The following COL26A1 variants were observed in gnomAD, a reference collection of about 807,000 sequenced individuals.
COL26A1 encodes collagen alpha-1(XXVI) chain.
COL26A1 carries 41 observed loss-of-function variants against 59.3 expected under a neutral mutation model. The ratio of observed to expected loss-of-function variants is 0.69; its 90% CI spans 0.54 to 0.90. The LOEUF (loss-of-function observed/expected upper bound fraction) is 0.90, where lower values mean the gene tolerates loss of function less well. COL26A1 is among the 40% of genes least tolerant of loss of function. COL26A1 has a pLI of 0.00. For synonymous variants in COL26A1, 266 were observed against 256.0 expected (o/e 1.04, Z -0.37); for missense variants, 612 against 602.3 (o/e 1.02, Z -0.17).
intron 5 of COL26A1, among the ~76,000 whole-genome samples, chr7:101,541,886 G>T (rs183162163): frequency 6.6e-6 from 1 of 152,168 alleles, no homozygotes; most frequent in Non-Finnish European, 1.5e-5. Context: ...TGAAGGCTGA[G>T]GTCTACCATG....
chr7:101,372,888 A>G (rs753188926), intron 1 of COL26A1, among the ~76,000 whole-genome samples: 48 of 152,222 alleles, frequency 3.2e-4, no homozygotes, highest in Non-Finnish European at 5.4e-4. Context: ...TCAGCTACTC[A>G]GGAGACTGAG....
At chr7:101,421,424 C>T (rs899103081) in intron 2 of COL26A1, among the ~76,000 whole-genome samples, 3 of 152,114 alleles carry the variant, frequency 2.0e-5, no homozygotes, top group African/African-American at 7.2e-5. Flanking sequence ...CTTGTAATCC[C>T]AGCACTTTGG....
chr7:101,504,140 A>C (rs1794759029), intron 3 of COL26A1, among the ~76,000 whole-genome samples: 1 of 151,196 alleles, frequency 6.6e-6, no homozygotes, highest in South Asian at 2.1e-4. Flanking sequence ...TTACTCCATC[A>C]CCCAGGCTGG....
chr7:101,531,721 C>T (rs1795372659), intron 3 of COL26A1, among the ~76,000 whole-genome samples: 1 of 152,138 alleles, frequency 6.6e-6, no homozygotes, highest in African/African-American at 2.4e-5. Context: ...CTCCCCCCAA[C>T]TCCCCGTGGT....
intron 3 of COL26A1, among the ~76,000 whole-genome samples, chr7:101,484,103 A>G: frequency 6.9e-6 from 1 of 144,352 alleles, no homozygotes; most frequent in Non-Finnish European, 1.5e-5. Flanking sequence ...TCCCACCTCA[A>G]CCTCCCGAGG....
chr7:101,478,325 G>T (rs1037190884), intron 3 of COL26A1, among the ~76,000 whole-genome samples: 1 of 152,188 alleles, frequency 6.6e-6, no homozygotes, highest in African/African-American at 2.4e-5. Context: ...GTGACTTGAG[G>T]TGCGGTTTCG....
At chr7:101,395,959 G>C (rs1301525113) in intron 1 of COL26A1, among the ~76,000 whole-genome samples, 4 of 152,092 alleles carry the variant, frequency 2.6e-5, no homozygotes, top group African/African-American at 9.7e-5. Flanking sequence ...TCCGGCCCTT[G>C]CTTGAAAACT....
chr7:101,525,373 G>A (rs1795221892), intron 3 of COL26A1, among the ~76,000 whole-genome samples: 1 of 151,334 alleles, frequency 6.6e-6, no homozygotes, highest in South Asian at 2.1e-4. Context: ...AATAGAAACG[G>A]GGTTTCACTG....
Position 101,552,769 on chromosome 7 carries a change from T to A in COL26A1, c.1030-557T>A, listed in dbSNP as rs372256738. Among the ~76,000 whole-genome samples the A allele has an allele frequency of 1.4e-3, 219 of 152,206 alleles. 1 individual carries two copies. Among genetic ancestry groups the A allele is most frequent in the African/African-American group, 5.0e-3 (206 of 41,514 alleles). On this transcript the variant is annotated intron_variant, in intron 10 of 12. Coordinates refer to ENST00000313669, the MANE Select transcript of COL26A1 (RefSeq NM_001278563.3). ...TACAAATACAAAAATTAGCCAGACA[T>A]GGTGGCGCATGCCTGTAATCTCAGC...
At chr7:101,492,029 G>C (rs1794471687) in intron 3 of COL26A1, among the ~76,000 whole-genome samples, 1 of 152,100 alleles carries the variant, frequency 6.6e-6, no homozygotes, top group Non-Finnish European at 1.5e-5. Context: ...GGGGTCCTCT[G>C]GGGAAAATCC....
chr7:101,551,218 G>A, intron 10 of COL26A1, 75 bp downstream of exon 10: 1 of 1,172,678 alleles, frequency 8.5e-7, no homozygotes, highest in Non-Finnish European at 1.2e-6. Context: ...GGCACTGGGT[G>A]GCGGGGGTTG....
intron 3 of COL26A1, among the ~76,000 whole-genome samples, chr7:101,501,197 A>AAAAGAAAAG (rs1349615746): frequency 7.0e-6 from 1 of 143,824 alleles, no homozygotes; most frequent in African/African-American, 2.6e-5. Flanking sequence ...AAAAAAAAAA[A>AAAAGAAAAG]AAAAGAAAAG....
rs1324365845 is a variant in COL26A1 at position 101,545,489 on chromosome 7, C to G, written c.855C>G (p.Asp285Glu). 3 of 1,603,332 alleles carry G rather than the reference C, an allele frequency of 1.9e-6. No homozygotes were observed. The highest frequency in any genetic ancestry group is 2.6e-6 in the Non-Finnish European group (3 of 1,176,346). Residue 285 changes from aspartate (D) to glutamate (E), a missense_variant and splice_region_variant, in exon 7 of 13, where the codon GAC becomes GAG. Asp to Glu is a conservative substitution (Grantham distance 45). Coordinates refer to ENST00000313669, the MANE Select transcript of COL26A1 (RefSeq NM_001278563.3). Reference protein sequence around the residue: ...LYSLQPPTDKDNGDSRLASAI... With the variant: ...LYSLQPPTDKENGDSRLASAI... ...CCCTGCAGCCGCCTACAGACAAAGA[C>G]AGTGAGTAATGCCCCTGGGGGGCCA...
chr7:101,433,298 T>C (rs2410828), intron 2 of COL26A1, among the ~76,000 whole-genome samples: 110,688 of 151,984 alleles, frequency 0.73, 41,278 homozygotes, highest in African/African-American at 0.9. Context: ...CACTCCAGCC[T>C]GAGCAACCAG....
At chr7:101,433,335 TAAATA>T in intron 2 of COL26A1, among the ~76,000 whole-genome samples, 1 of 151,800 alleles carries the variant, frequency 6.6e-6, no homozygotes, top group South Asian at 2.1e-4. Context: ...AAAAAATAAA[TAAATA>T]AAGTTGTGGG....
intron 4 of COL26A1, among the ~76,000 whole-genome samples, chr7:101,534,624 A>C (rs112831433): frequency 0.019 from 2,920 of 149,940 alleles, 101 homozygotes; most frequent in African/African-American, 0.068. Context: ...CACACACACA[A>C]GCATGCATGT....
chr7:101,511,537 G>A (rs1794926279), intron 3 of COL26A1, among the ~76,000 whole-genome samples: 1 of 152,224 alleles, frequency 6.6e-6, no homozygotes, highest in African/African-American at 2.4e-5. Flanking sequence ...AGGCAGACAG[G>A]ACCTGCTGGT....
At chr7:101,500,589 G>A (rs1487780922) in intron 3 of COL26A1, among the ~76,000 whole-genome samples, 2 of 152,084 alleles carry the variant, frequency 1.3e-5, no homozygotes, top group Admixed American at 6.6e-5. Flanking sequence ...AGGCCGAGGC[G>A]GGCAGATCAC....
chr7:101,553,422 G>T (rs1041154389), intron 11 of COL26A1, 46 bp downstream of exon 11: 23 of 1,592,226 alleles, frequency 1.4e-5, no homozygotes, highest in Non-Finnish European at 1.7e-5. Context: ...CCTTGGCTGT[G>T]AGCACTGTCA....
Sources: gnomAD v4.1 joint callset for allele counts (sites outside exome capture counted in the v4.1 genomes callset) on GRCh38, gnomAD v4.1.1 for gene constraint, MANE v1.5 for transcripts, NCBI Gene and HGNC (gene_info 2026-07-23, HGNC 2026-07-21) for gene names.